Variants in AFG2A observed in about 807,000 individuals in gnomAD.
AFG2A encodes ATPase family gene 2 protein homolog A.
the AFG2A span, among the ~76,000 whole-genome samples, chr4:123,186,610 G>C: frequency 6.6e-6 from 1 of 152,120 alleles, no homozygotes; most frequent in Non-Finnish European, 1.5e-5. Context: ...AATGTAGTTG[G>C]AATGTCTTAT....
At chr4:123,020,985 A>G in the AFG2A span, among the ~76,000 whole-genome samples, 14 of 152,082 alleles carry the variant, frequency 9.2e-5, no homozygotes, top group Admixed American at 6.5e-5. Context: ...GACAGTGTTG[A>G]CTCATTGTCT....
At chr4:123,061,257 A>T in the AFG2A span, among the ~76,000 whole-genome samples, 3 of 152,172 alleles carry the variant, frequency 2.0e-5, no homozygotes, top group Admixed American at 6.5e-5. Context: ...CTCAGTTCTA[A>T]AGTTGCTTCC....
the AFG2A span, among the ~76,000 whole-genome samples, chr4:123,021,822 C>T: frequency 3.3e-5 from 5 of 152,092 alleles, no homozygotes; most frequent in African/African-American, 9.7e-5. Context: ...CAGCATGGTA[C>T]TGGTACCAAA....
chr4:123,260,306 C>A, the AFG2A span, among the ~76,000 whole-genome samples: 3 of 152,118 alleles, frequency 2.0e-5, no homozygotes, highest in Non-Finnish European at 4.4e-5. Flanking sequence ...TAAACTTAGT[C>A]TGTTTGTTTT....
At chr4:123,002,408 T>C in the AFG2A span, among the ~76,000 whole-genome samples, 1 of 152,356 alleles carries the variant, frequency 6.6e-6, no homozygotes, top group Non-Finnish European at 1.5e-5. Context: ...CTCAATGGTC[T>C]TTACATTTTG....
chr4:122,929,185 A>T, the AFG2A span: 1 of 1,592,988 alleles, frequency 6.3e-7, no homozygotes, highest in Non-Finnish European at 8.5e-7. Context: ...GAGGAAATGG[A>T]TGTGGCACTG....
the AFG2A span, chr4:122,933,980 T>G: frequency 8.5e-7 from 1 of 1,176,922 alleles, no homozygotes; most frequent in South Asian, 1.8e-5. Flanking sequence ...ATTATTTTAT[T>G]AATACTCTGT....
the AFG2A span, among the ~76,000 whole-genome samples, chr4:123,292,936 C>T: frequency 1.2e-4 from 19 of 152,280 alleles, no homozygotes; most frequent in Non-Finnish European, 2.2e-4. Context: ...TTGACAGAAG[C>T]AACTGGGGGA....
the AFG2A span, among the ~76,000 whole-genome samples, chr4:123,265,833 G>A: frequency 6.6e-6 from 1 of 152,026 alleles, no homozygotes; most frequent in Non-Finnish European, 1.5e-5. Flanking sequence ...CAATGATAAT[G>A]CCGATTTGAG....
At chr4:123,040,670 T>C in the AFG2A span, among the ~76,000 whole-genome samples, 3 of 152,248 alleles carry the variant, frequency 2.0e-5, no homozygotes, top group African/African-American at 7.2e-5. Context: ...TGGTATTGTT[T>C]CTTTTTCTTC....
At chr4:123,018,249 A>G in the AFG2A span, among the ~76,000 whole-genome samples, 1 of 152,238 alleles carries the variant, frequency 6.6e-6, no homozygotes, top group South Asian at 2.1e-4. Context: ...TCAAAAAGTT[A>G]TAAAGCCATA....
the AFG2A span, among the ~76,000 whole-genome samples, chr4:122,957,982 A>G: frequency 6.6e-6 from 1 of 152,194 alleles, no homozygotes; most frequent in Non-Finnish European, 1.5e-5. Context: ...TTATTACCCT[A>G]TACACCCTTG....
chr4:123,257,447 A>C, the AFG2A span, among the ~76,000 whole-genome samples: 7,282 of 152,264 alleles, frequency 0.048, 548 homozygotes, highest in African/African-American at 0.16. Context: ...TATTCAACTG[A>C]TGATGGGTTT....
the AFG2A span, among the ~76,000 whole-genome samples, chr4:123,107,275 G>C: frequency 3.3e-5 from 5 of 152,348 alleles, no homozygotes; most frequent in Admixed American, 3.3e-4. Flanking sequence ...GGTGGGTCCT[G>C]AGTTCTTGTC....
At chr4:123,268,680 G>A in the AFG2A span, among the ~76,000 whole-genome samples, 2 of 152,138 alleles carry the variant, frequency 1.3e-5, no homozygotes. Context: ...AATCATATGT[G>A]AAGATGGAAT....
At chr4:123,055,072 A>G in the AFG2A span, among the ~76,000 whole-genome samples, 2 of 152,126 alleles carry the variant, frequency 1.3e-5, no homozygotes, top group African/African-American at 4.8e-5. Flanking sequence ...TCCCACTTTA[A>G]GTAGCTTTAT....
At chr4:122,988,403 T>C in the AFG2A span, among the ~76,000 whole-genome samples, 18 of 9,116 alleles carry the variant, frequency 2.0e-3, no homozygotes, top group Non-Finnish European at 7.0e-3. Context: ...CATTCTTTCT[T>C]TTTTTTTTTT....
At chr4:123,301,953 A>T in the AFG2A span, among the ~76,000 whole-genome samples, 11 of 152,280 alleles carry the variant, frequency 7.2e-5, no homozygotes, top group East Asian at 2.1e-3. Flanking sequence ...GTGCTCAGAG[A>T]GACCAGAGTC....
chr4:122,944,901 C>T, the AFG2A span, among the ~76,000 whole-genome samples: 1 of 152,198 alleles, frequency 6.6e-6, no homozygotes, highest in Non-Finnish European at 1.5e-5. Flanking sequence ...TAGAGGTCCA[C>T]TCCAGACCCT....
Sources: allele counts gnomAD v4.1 joint callset (sites outside exome capture counted in the v4.1 genomes callset), GRCh38; gene constraint gnomAD v4.1.1; transcripts MANE v1.5; gene names NCBI Gene and HGNC (gene_info 2026-07-23, HGNC 2026-07-21).